Variants in KCNK18 observed in about 807,000 individuals in gnomAD.
The protein encoded by KCNK18 is potassium two pore domain channel subfamily K member 18.
A neutral mutation model predicts 11.8 loss-of-function variants in KCNK18; 8 were observed. The ratio of observed to expected loss-of-function variants is 0.68; its 90% CI spans 0.40 to 1.22. The LOEUF is 1.22. Among genes scored for constraint, KCNK18 ranks in the 50% most tolerant of loss-of-function variants. KCNK18 has a pLI of 0.01. For missense variants in KCNK18, 442 were observed against 465.4 expected (o/e 0.95, Z 0.46); for synonymous variants, 208 against 185.8 (o/e 1.12, Z -0.97).
chr10:117,199,293 C>T (rs1433216034), intron 1 of KCNK18, among the ~76,000 whole-genome samples: 1 of 152,162 alleles, frequency 6.6e-6, no homozygotes, highest in Non-Finnish European at 1.5e-5. Flanking sequence ...GCACTCCAGC[C>T]TGGATGACAG....
chr10:117,202,338 C>T (rs11197926), intron 2 of KCNK18, among the ~76,000 whole-genome samples: 10,416 of 152,296 alleles, frequency 0.068, 524 homozygotes, highest in East Asian at 0.21. Flanking sequence ...TAAGTGGCAG[C>T]CAGGATGCCT....
At chr10:117,207,638 C>T (rs1855091587) in intron 2 of KCNK18, among the ~76,000 whole-genome samples, 1 of 152,172 alleles carries the variant, frequency 6.6e-6, no homozygotes, top group African/African-American at 2.4e-5. Flanking sequence ...GCATGGAGTG[C>T]TCTGGAATGG....
chr10:117,203,344 A>T (rs2133703610), intron 2 of KCNK18, among the ~76,000 whole-genome samples: 1 of 152,224 alleles, frequency 6.6e-6, no homozygotes, highest in Non-Finnish European at 1.5e-5. Context: ...TGACTATCCC[A>T]TTCCACAGGC....
rs750645285 is a variant in KCNK18 at position 117,209,759 on chromosome 10, T to G, written c.615T>G (p.Ser205Arg). 2 of 1,614,044 alleles carry G rather than the reference T, an allele frequency of 1.2e-6. No individual in the cohort carries two copies. The highest frequency in any genetic ancestry group is 2.7e-5 in the African/African-American group (2 of 74,898). ...AAGCTGTCCCTCAGATCATCATCAG[T>G]GCTGAAGAGCTTCCAGGCCCCAAAC... ...ADEAVPQIII[S>R]AEELPGPKLG... The change falls in exon 3 of 3, where the codon AGT becomes AGG. Residue 205 changes from serine (S) to arginine (R), a missense_variant. Ser to Arg is a moderately radical substitution (Grantham distance 110). Transcript: ENST00000334549.
chr10:117,197,762 T>C, intron 1 of KCNK18, 51 bp downstream of exon 1: 1 of 1,528,204 alleles, frequency 6.5e-7, no homozygotes, highest in Non-Finnish European at 9.0e-7. Flanking sequence ...GTGGCAGCAG[T>C]CCCCCAAGAG....
chr10:117,201,418 CT>C, intron 2 of KCNK18, 131 bp downstream of exon 2: 1 of 934,076 alleles, frequency 1.1e-6, no homozygotes, highest in Non-Finnish European at 1.7e-6. Context: ...TTCCTCAAAT[CT>C]ATATTGCACA....
chr10:117,202,402 T>A (rs150086857), intron 2 of KCNK18, among the ~76,000 whole-genome samples: 2 of 152,352 alleles, frequency 1.3e-5, no homozygotes, highest in African/African-American at 4.8e-5. Flanking sequence ...GCAAGGAGAA[T>A]GTCACCTTCC....
intron 2 of KCNK18, among the ~76,000 whole-genome samples, chr10:117,201,887 C>T (rs1030048078): frequency 6.6e-6 from 1 of 152,238 alleles, no homozygotes; most frequent in Non-Finnish European, 1.5e-5. Context: ...TAAGGGCTCA[C>T]TCTGAGCTGG....
chr10:117,205,480 C>T (rs953441651), intron 2 of KCNK18, among the ~76,000 whole-genome samples: 2 of 152,110 alleles, frequency 1.3e-5, no homozygotes, highest in African/African-American at 4.8e-5. Flanking sequence ...CCTGTAAACC[C>T]ACCTTTGCCA....
intron 1 of KCNK18, among the ~76,000 whole-genome samples, chr10:117,199,496 TCCTCACAAGAAG>T (rs1368280366): frequency 6.6e-6 from 1 of 152,192 alleles, no homozygotes; most frequent in African/African-American, 2.4e-5. Flanking sequence ...TCTCACCTAA[TCCTCACAAGAAG>T]CCTCACAAGA....
At chr10:117,208,781 C>G (rs1039331358) in intron 2 of KCNK18, among the ~76,000 whole-genome samples, 2 of 151,398 alleles carry the variant, frequency 1.3e-5, no homozygotes, top group African/African-American at 4.9e-5. Context: ...ACTCTTGTCC[C>G]CTAGGCTGGA....
chr10:117,205,066 G>A (rs1428447003), intron 2 of KCNK18, among the ~76,000 whole-genome samples: 2 of 152,148 alleles, frequency 1.3e-5, no homozygotes, highest in Non-Finnish European at 2.9e-5. Flanking sequence ...AAGTCTCTCT[G>A]GTAATACTGC....
chr10:117,207,501 G>A (rs1229309077), intron 2 of KCNK18, among the ~76,000 whole-genome samples: 1 of 152,204 alleles, frequency 6.6e-6, no homozygotes, highest in African/African-American at 2.4e-5. Context: ...ACTTTGCTCA[G>A]CACTATGCCC....
At chr10:117,197,841 T>C in intron 1 of KCNK18, 130 bp downstream of exon 1, 2 of 747,484 alleles carry the variant, frequency 2.7e-6, no homozygotes, top group Non-Finnish European at 4.7e-6. Flanking sequence ...GCCTGGGCAC[T>C]TTAAGCGAGT....
rs371222507 is a variant in KCNK18 at position 117,209,742 on chromosome 10, C to G, written c.598C>G (p.Pro200Ala). The change falls in exon 3 of 3, where the codon CCT becomes GCT. Residue 200 changes from proline to alanine, a missense_variant. Transcript: ENST00000334549. ...PDPKPADEAV[P>A]QIIISAEELP... is the part of the protein sequence containing the mutation. The stretch of plus-strand genomic sequence containing the variant: ...CCCCAAGCCCGCAGATGAAGCTGTC[C>G]CTCAGATCATCATCAGTGCTGAAGA... The G allele has an allele frequency of 6.2e-7, 1 of 1,614,162 alleles. No individual in the cohort carries two copies. Among genetic ancestry groups the G allele is most frequent in the Non-Finnish European group, 8.5e-7 (1 of 1,180,034 alleles).
At position 117,209,600 on chromosome 10, in the gene KCNK18, C is replaced by T. The variant is rs3026041; in HGVS notation, c.456C>T (p.Gly152=). ...PLMFLVLTDT[G]DILATILSTS... ...TGTTCCTCGTTCTCACGGACACAGG[C>T]GACATCCTGGCAACCATCTTATCTA... Residue 152 remains glycine, a synonymous_variant, in exon 3 of 3, where the codon GGC becomes GGT. Coordinates refer to ENST00000334549, the MANE Select transcript of KCNK18 (RefSeq NM_181840.1). 1.8e-4 allele frequency: 293 copies of T among 1,614,084 alleles called. 6 individuals carry two copies. In the East Asian group the frequency reaches 2.6e-3, roughly 14 times the overall value.
chr10:117,206,496 G>T (rs1214650844), intron 2 of KCNK18, among the ~76,000 whole-genome samples: 1 of 152,140 alleles, frequency 6.6e-6, no homozygotes. Context: ...AAATAAGGTA[G>T]CATTGACAGA....
At chr10:117,204,213 G>A (rs1249602418) in intron 2 of KCNK18, among the ~76,000 whole-genome samples, 6 of 148,600 alleles carry the variant, frequency 4.0e-5, no homozygotes, top group Middle Eastern at 3.4e-3. Flanking sequence ...AGTGAGCCAT[G>A]ATCGCGCCAC....
At chr10:117,200,228 C>T (rs1279064572) in intron 1 of KCNK18, among the ~76,000 whole-genome samples, 2 of 152,150 alleles carry the variant, frequency 1.3e-5, no homozygotes, top group African/African-American at 4.8e-5. Flanking sequence ...CAGGTGTGTG[C>T]CACCACACCC....
Sources: gnomAD v4.1 joint callset for allele counts (sites outside exome capture counted in the v4.1 genomes callset) on GRCh38, gnomAD v4.1.1 for gene constraint, MANE v1.5 for transcripts, NCBI Gene and HGNC (gene_info 2026-07-23, HGNC 2026-07-21) for gene names.